The following KIAA1217 variants were observed in gnomAD, a reference collection of about 807,000 sequenced individuals.
KIAA1217 encodes sickle tail protein homolog.
Under a neutral mutation model 163.9 loss-of-function variants are expected in KIAA1217, and 88 were observed. That is an observed-to-expected ratio of 0.54 (90% CI 0.45 to 0.64). KIAA1217 has a LOEUF of 0.64. Ranked by LOEUF, KIAA1217 falls within the 30% of genes least tolerant of loss-of-function variation. The pLI is 0.00. For synonymous variants in KIAA1217, 903 were observed against 923.1 expected, an observed-to-expected ratio of 0.98 and a Z score of 0.39; for missense variants, 2,372 against 2,475.0, an observed-to-expected ratio of 0.96 and a Z score of 0.88.
chr10:24,037,076 C>A (rs912454850), intron 2 of KIAA1217, among the ~76,000 whole-genome samples: 3 of 152,084 alleles, frequency 2.0e-5, no homozygotes, highest in African/African-American at 7.2e-5. Flanking sequence ...GTTACAAAGT[C>A]TTAAGTAAAA....
chr10:24,007,994 A>C (rs531967014), intron 2 of KIAA1217, among the ~76,000 whole-genome samples: 19 of 152,214 alleles, frequency 1.2e-4, no homozygotes, highest in Non-Finnish European at 2.5e-4. Context: ...TAGCATATTC[A>C]TTCAGCCTAA....
chr10:23,935,660 A>C (rs953021395), intron 1 of KIAA1217, among the ~76,000 whole-genome samples: 2 of 152,216 alleles, frequency 1.3e-5, no homozygotes, highest in Non-Finnish European at 2.9e-5. Flanking sequence ...AACAAATAAA[A>C]GGTACACAGA....
intron 2 of KIAA1217, among the ~76,000 whole-genome samples, chr10:24,142,586 C>T (rs978496404): frequency 2.6e-5 from 4 of 152,126 alleles, no homozygotes; most frequent in African/African-American, 7.2e-5. Context: ...ACTGTACTTA[C>T]ACCCCTTGAA....
intron 1 of KIAA1217, among the ~76,000 whole-genome samples, chr10:23,762,799 T>A (rs943320975): frequency 2.6e-5 from 4 of 152,148 alleles, no homozygotes; most frequent in African/African-American, 9.7e-5. Flanking sequence ...AATAAGGGCA[T>A]TCAAATAGGA....
At position 24,129,443 on chromosome 10, in the gene KIAA1217, G is replaced by C. The variant is rs115082019; in HGVS notation, c.-170-90183G>C. ...CTCATTTGGTCATTGGTATATTATA[G>C]ACTTCATACTTCTAAGTGGCATAAG... On this transcript the variant is annotated intron_variant, in intron 2 of 18. Coordinates refer to the KIAA1217 transcript ENST00000376462. Among the ~76,000 whole-genome samples the C allele has an allele frequency of 3.1e-3, 465 of 152,164 alleles. 1 individual carries two copies. The highest frequency in any genetic ancestry group is 0.011 in the African/African-American group (440 of 41,522).
intron 1 of KIAA1217, among the ~76,000 whole-genome samples, chr10:23,809,970 A>G (rs920859513): frequency 6.6e-6 from 1 of 152,012 alleles, no homozygotes; most frequent in African/African-American, 2.4e-5. Flanking sequence ...CACTTTCAGT[A>G]TAGTATTGAA....
At chr10:24,494,397 C>T (rs1162120232) in intron 6 of KIAA1217, 103 bp from the exon 7 acceptor site, 2 of 895,094 alleles carry the variant, frequency 2.2e-6, no homozygotes, top group East Asian at 5.0e-5. Flanking sequence ...ACTTCCACGG[C>T]CTTCTAGGTG....
At chr10:23,761,246 A>G (rs1371629390) in intron 1 of KIAA1217, among the ~76,000 whole-genome samples, 1 of 152,156 alleles carries the variant, frequency 6.6e-6, no homozygotes, top group Non-Finnish European at 1.5e-5. Flanking sequence ...TCTCTTAAAA[A>G]ACAAACAAAC....
chr10:23,938,076 C>T (rs1044207092), intron 1 of KIAA1217, among the ~76,000 whole-genome samples: 3 of 152,148 alleles, frequency 2.0e-5, no homozygotes, highest in Admixed American at 6.5e-5. Context: ...GAAGGCCCCT[C>T]CCATCTTCTG....
chr10:23,993,553 CTT>C lies in KIAA1217; in HGVS notation c.-320-13653_-320-13652del, dbSNP rs200437343. ...AAGAGTTTGGCTCTCCATAGCCCAGCTTTTTTTTTTTTTTTTTTTTGAGACAG... is the reference window on the plus strand; with the variant it reads ...AAGAGTTTGGCTCTCCATAGCCCAGCTTTTTTTTTTTTTTTTTTGAGACAG... On this transcript the variant is annotated intron_variant, in intron 1 of 18. Coordinates refer to the KIAA1217 transcript ENST00000376462. Among the ~76,000 whole-genome samples, 10 of 68,936 alleles carry C rather than the reference CTT, an allele frequency of 1.5e-4. 1 individual carries two copies. In the South Asian group the frequency reaches 4.8e-3, roughly 33 times the overall value. 45.2% of individuals were successfully genotyped at this position (68,936 alleles called of 152,430 possible).
At chr10:24,420,048 A>G (rs2058605478) in intron 3 of KIAA1217, among the ~76,000 whole-genome samples, 1 of 152,056 alleles carries the variant, frequency 6.6e-6, no homozygotes, top group South Asian at 2.1e-4. Context: ...ACAAGTGTCC[A>G]CATGTGAGAT....
chr10:24,341,333 G>C (rs1396958398), intron 2 of KIAA1217, among the ~76,000 whole-genome samples: 1 of 151,878 alleles, frequency 6.6e-6, no homozygotes, highest in Non-Finnish European at 1.5e-5. Context: ...GAAATCAGTA[G>C]GTCAGTTGGA....
At chr10:24,026,987 A>G (rs569704816) in intron 2 of KIAA1217, among the ~76,000 whole-genome samples, 2 of 151,658 alleles carry the variant, frequency 1.3e-5, no homozygotes, top group South Asian at 2.1e-4. Flanking sequence ...GTATTTTACA[A>G]TTTTTCTTTT....
chr10:24,120,979 T>C (rs1564725331), intron 2 of KIAA1217, among the ~76,000 whole-genome samples: 1 of 152,210 alleles, frequency 6.6e-6, no homozygotes, highest in Non-Finnish European at 1.5e-5. Flanking sequence ...TAAATCCTCC[T>C]TACTTTACCT....
At chr10:24,366,967 C>A (rs1421213321) in intron 2 of KIAA1217, among the ~76,000 whole-genome samples, 1 of 152,216 alleles carries the variant, frequency 6.6e-6, no homozygotes, top group South Asian at 2.1e-4. Context: ...GAACTGTCAT[C>A]ATTTTTCTTT....
At chr10:24,420,162 C>G (rs192126452) in intron 3 of KIAA1217, among the ~76,000 whole-genome samples, 1 of 152,332 alleles carries the variant, frequency 6.6e-6, no homozygotes, top group East Asian at 1.9e-4. Context: ...TACACTCTCA[C>G]CAGCAGTAAA....
At chr10:23,802,223 A>C (rs1564433861) in intron 1 of KIAA1217, among the ~76,000 whole-genome samples, 1 of 152,136 alleles carries the variant, frequency 6.6e-6, no homozygotes, top group Non-Finnish European at 1.5e-5. Context: ...GTTGAGGACA[A>C]TTGCTAAGTG....
chr10:24,320,987 C>A (rs1006222971), intron 2 of KIAA1217, among the ~76,000 whole-genome samples: 1 of 151,258 alleles, frequency 6.6e-6, no homozygotes, highest in Non-Finnish European at 1.5e-5. Context: ...GTGGAGCTTG[C>A]AGTGAGCTGA....
At chr10:24,072,618 T>TC (rs1270201100) in intron 2 of KIAA1217, among the ~76,000 whole-genome samples, 1 of 152,160 alleles carries the variant, frequency 6.6e-6, no homozygotes, top group Non-Finnish European at 1.5e-5. Flanking sequence ...CAAGGATCAC[T>TC]AAGTCCTTCA....
Sources: allele counts gnomAD v4.1 joint callset (sites outside exome capture counted in the v4.1 genomes callset), GRCh38; gene constraint gnomAD v4.1.1; transcripts MANE v1.5; gene names NCBI Gene and HGNC (gene_info 2026-07-23, HGNC 2026-07-21).